Variants in FGF12 observed in about 807,000 individuals in gnomAD.
FGF12 encodes fibroblast growth factor 12, also known as fibroblast growth factor 12B.
In FGF12, 14 loss-of-function variants were observed where a neutral mutation model predicts 23.6. The ratio of observed to expected loss-of-function variants is 0.59; its 90% CI spans 0.39 to 0.93. The LOEUF (loss-of-function observed/expected upper bound fraction) is 0.93, where lower values mean the gene tolerates loss of function less well. Ranked by LOEUF, FGF12 falls within the 40% of genes least tolerant of loss-of-function variation. FGF12 has a pLI of 0.00. For missense variants in FGF12, 175 were observed against 217.8 expected (o/e 0.80, Z 1.24); for synonymous variants, 62 against 77.3 (o/e 0.80, Z 1.04).
At chr3:192,431,960 C>G (rs1230853553) in intron 2 of FGF12, among the ~76,000 whole-genome samples, 1 of 152,138 alleles carries the variant, frequency 6.6e-6, no homozygotes, top group African/African-American at 2.4e-5. Context: ...GCTGTTTCCA[C>G]AATGTCTCTT....
chr3:192,645,886 G>T (rs762441112), intron 2 of FGF12, among the ~76,000 whole-genome samples: 3 of 150,662 alleles, frequency 2.0e-5, no homozygotes, highest in Non-Finnish European at 4.4e-5. Context: ...TTAAGTTCCA[G>T]AAAGGAAAGG....
intron 2 of FGF12, among the ~76,000 whole-genome samples, chr3:192,432,795 C>G (rs1258568294): frequency 6.6e-6 from 1 of 152,074 alleles, no homozygotes; most frequent in Non-Finnish European, 1.5e-5. Flanking sequence ...TTTGTGAGAA[C>G]CTGAGTAGAG....
At chr3:192,189,071 G>A (rs980212754) in intron 4 of FGF12, among the ~76,000 whole-genome samples, 1 of 152,254 alleles carries the variant, frequency 6.6e-6, no homozygotes, top group South Asian at 2.1e-4. Flanking sequence ...CTGGGACTCC[G>A]GCACATCAAT....
intron 2 of FGF12, among the ~76,000 whole-genome samples, chr3:192,485,970 T>C (rs1241382703): frequency 2.0e-5 from 3 of 152,178 alleles, no homozygotes; most frequent in Non-Finnish European, 4.4e-5. Context: ...TTTTATGCCA[T>C]ATACGTGCAT....
At chr3:192,430,184 A>T (rs1721819336) in intron 2 of FGF12, among the ~76,000 whole-genome samples, 1 of 152,154 alleles carries the variant, frequency 6.6e-6, no homozygotes, top group South Asian at 2.1e-4. Context: ...ATGGAATATT[A>T]TTCAGCCTTA....
At chr3:192,177,049 C>G (rs969193396) in intron 4 of FGF12, among the ~76,000 whole-genome samples, 4 of 152,078 alleles carry the variant, frequency 2.6e-5, no homozygotes, top group Non-Finnish European at 5.9e-5. Context: ...ATCAAATGAA[C>G]AGAATAGAAA....
chr3:192,475,007 T>C (rs781590288), intron 2 of FGF12, among the ~76,000 whole-genome samples: 7 of 152,154 alleles, frequency 4.6e-5, no homozygotes, highest in Non-Finnish European at 1.0e-4. Flanking sequence ...TGAAATCCCA[T>C]ATCTACCTCA....
At chr3:192,497,443 A>C (rs1356998324) in intron 2 of FGF12, among the ~76,000 whole-genome samples, 2 of 152,234 alleles carry the variant, frequency 1.3e-5, no homozygotes, top group African/African-American at 4.8e-5. Context: ...TAGTGCAGAC[A>C]GAGGGATCCG....
intron 2 of FGF12, among the ~76,000 whole-genome samples, chr3:192,426,062 T>C (rs1327449834): frequency 6.6e-6 from 1 of 152,220 alleles, no homozygotes; most frequent in Non-Finnish European, 1.5e-5. Context: ...TCTGTTTTCA[T>C]AAGTAGAAAA....
chr3:192,668,629 C>T lies in FGF12; in HGVS notation c.13+58552G>A, dbSNP rs140713413. 2.3e-3 allele frequency among the ~76,000 whole-genome samples: 345 copies of T among 152,216 alleles called. 2 individuals carry two copies. The highest frequency in any genetic ancestry group is 7.4e-3 in the African/African-American group (308 of 41,528). On this transcript the variant is annotated intron_variant, in intron 2 of 5. Coordinates refer to ENST00000445105, the MANE Select transcript of FGF12 (RefSeq NM_004113.6). The stretch of plus-strand genomic sequence containing the variant: ...GACCTGAAATTTGACTACCCAGAAA[C>T]GGCAGAACTCATCCTGAGATGCTAT...
intron 4 of FGF12, among the ~76,000 whole-genome samples, chr3:192,201,918 T>C (rs1717387461): frequency 6.6e-6 from 1 of 152,198 alleles, no homozygotes; most frequent in Non-Finnish European, 1.5e-5. Context: ...TGTTCTTCTA[T>C]TTACCAAGAA....
At chr3:192,431,518 A>G (rs1721860186) in intron 2 of FGF12, among the ~76,000 whole-genome samples, 1 of 152,174 alleles carries the variant, frequency 6.6e-6, no homozygotes, top group Admixed American at 6.6e-5. Flanking sequence ...CTCTTTTTAT[A>G]CTGTTATTCT....
At chr3:192,476,073 G>C (rs962086305) in intron 2 of FGF12, among the ~76,000 whole-genome samples, 2 of 151,994 alleles carry the variant, frequency 1.3e-5, no homozygotes, top group Non-Finnish European at 2.9e-5. Context: ...AGAATAACGT[G>C]ATCCCCAAGA....
At chr3:192,194,977 C>T (rs1716987076) in intron 4 of FGF12, among the ~76,000 whole-genome samples, 1 of 152,206 alleles carries the variant, frequency 6.6e-6, no homozygotes, top group Non-Finnish European at 1.5e-5. Flanking sequence ...TGCTGACTGA[C>T]TTTGTCCTCA....
chr3:192,345,181 T>G (rs976646063), intron 3 of FGF12, among the ~76,000 whole-genome samples: 2 of 152,176 alleles, frequency 1.3e-5, no homozygotes, highest in African/African-American at 4.8e-5. Flanking sequence ...AATACAGTGG[T>G]AGAAAGGACA....
chr3:192,512,859 T>TATATATATATAA (rs376386122), intron 2 of FGF12, among the ~76,000 whole-genome samples: 1,362 of 57,330 alleles, frequency 0.024, 81 homozygotes, highest in African/African-American at 0.032. Context: ...TATATATATA[T>TATATATATATAA]AACAGGCTAT....
intron 4 of FGF12, among the ~76,000 whole-genome samples, chr3:192,243,357 A>T (rs1719718037): frequency 6.6e-6 from 1 of 152,030 alleles, no homozygotes; most frequent in Admixed American, 6.6e-5. Flanking sequence ...AAGCTACAAT[A>T]ATTAAATCAG....
At chr3:192,281,220 A>C (rs1714122944) in intron 4 of FGF12, among the ~76,000 whole-genome samples, 1 of 152,148 alleles carries the variant, frequency 6.6e-6, no homozygotes, top group South Asian at 2.1e-4. Context: ...TCCTCTAGGG[A>C]AGAATCCTAG....
intron 4 of FGF12, among the ~76,000 whole-genome samples, chr3:192,236,409 C>T (rs1719302025): frequency 6.6e-6 from 1 of 152,106 alleles, no homozygotes; most frequent in African/African-American, 2.4e-5. Context: ...TTTGATATAT[C>T]TTTGTTAGCT....
Sources: allele counts gnomAD v4.1 joint callset (sites outside exome capture counted in the v4.1 genomes callset), GRCh38; gene constraint gnomAD v4.1.1; transcripts MANE v1.5; gene names NCBI Gene and HGNC (gene_info 2026-07-23, HGNC 2026-07-21).